Variants in WDR11 observed in about 807,000 individuals in gnomAD.
WDR11 encodes the protein WD repeat domain 11, also known as WD repeat-containing protein 11.
In WDR11, 83 loss-of-function variants were observed where a neutral mutation model predicts 151.2. That is an observed-to-expected ratio of 0.55 (90% CI 0.46 to 0.66). The LOEUF (loss-of-function observed/expected upper bound fraction) is 0.66. WDR11 is among the 30% of genes least tolerant of loss of function. The pLI is 0.00. For missense variants in WDR11, 1,301 were observed against 1,480.9 expected (o/e 0.88, Z 1.99); for synonymous variants, 484 against 533.1 (o/e 0.91, Z 1.27).
rs367918882 is a variant in WDR11, at chr10:120,882,544, G to GTTTTTT, written c.1740-1230_1740-1225dup. 3.7e-3 allele frequency among the ~76,000 whole-genome samples: 527 copies of GTTTTTT among 142,416 alleles called. 2 individuals are homozygous for GTTTTTT. Among genetic ancestry groups the GTTTTTT allele is most frequent in the African/African-American group, 0.013 (491 of 38,696 alleles). The allele number at this position is 142,416 out of a possible 152,430, so 93.4% of individuals were successfully genotyped here. A position where few individuals can be genotyped will look rare whatever the true frequency, so the allele number is the denominator to read the frequency against. On this transcript the variant is annotated intron_variant, in intron 13 of 28. Transcript: ENST00000263461. The stretch of plus-strand genomic sequence containing the variant: ...AGTTTTTAAATACAAATTCAGTTTT[G>GTTTTTT]TTTTTTTTTTTCATAAATATAGGAC...
At chr10:120,876,549 G>A (rs1389433192) in intron 11 of WDR11, among the ~76,000 whole-genome samples, 1 of 152,158 alleles carries the variant, frequency 6.6e-6, no homozygotes, top group African/African-American at 2.4e-5. Flanking sequence ...CTGTTGCAGT[G>A]TCTGTAGCTT....
chr10:120,900,342 C>T (rs1047928021), intron 20 of WDR11, among the ~76,000 whole-genome samples: 1 of 151,810 alleles, frequency 6.6e-6, no homozygotes, highest in African/African-American at 2.4e-5. Context: ...GCTGTGAGGG[C>T]GTGTATTGCT....
Position 120,906,038 on chromosome 10 carries a change from C to A in WDR11, c.3437+17C>A, listed in dbSNP as rs748081920. The A allele has an allele frequency of 1.9e-6, 3 of 1,613,046 alleles. No individual in the cohort carries two copies. In the East Asian group the frequency reaches 6.7e-5, roughly 36 times the overall value. On this transcript the variant is annotated intron_variant, in intron 27 of 28. Coordinates refer to ENST00000263461, the MANE Select transcript of WDR11 (RefSeq NM_018117.12). ...GCTTCACAGGTAAACCGAGAGTTCACATGGGCTGCTCAGGCCTGCCCGTGA... is the reference window on the plus strand; with the variant it reads ...GCTTCACAGGTAAACCGAGAGTTCAAATGGGCTGCTCAGGCCTGCCCGTGA...
intron 2 of WDR11, among the ~76,000 whole-genome samples, chr10:120,853,800 G>C (rs1048249770): frequency 6.6e-6 from 1 of 152,172 alleles, no homozygotes; most frequent in Non-Finnish European, 1.5e-5. Context: ...ATAGTGATCA[G>C]TATAAAGGAG....
intron 9 of WDR11, among the ~76,000 whole-genome samples, chr10:120,870,415 A>G (rs974447674): frequency 2.0e-5 from 3 of 152,150 alleles, no homozygotes; most frequent in Admixed American, 6.5e-5. Flanking sequence ...AAATTTGTAT[A>G]CCTTTTTAAT....
At chr10:120,853,223 A>G (rs1845840361) in intron 2 of WDR11, among the ~76,000 whole-genome samples, 1 of 152,084 alleles carries the variant, frequency 6.6e-6, no homozygotes, top group Admixed American at 6.5e-5. Flanking sequence ...AGCCAGAGAG[A>G]TTCAGCTGTC....
At chr10:120,893,349 A>G (rs1219094883) in intron 19 of WDR11, among the ~76,000 whole-genome samples, 1 of 152,088 alleles carries the variant, frequency 6.6e-6, no homozygotes, top group Non-Finnish European at 1.5e-5. Context: ...TGAACTCATC[A>G]TTCTTTATGG....
intron 6 of WDR11, 28 bp from the exon 7 acceptor site, chr10:120,865,602 A>T (rs758204738): frequency 1.4e-6 from 2 of 1,454,252 alleles, no homozygotes; most frequent in African/African-American, 1.4e-5. Context: ...ATTGTGTTTT[A>T]AAAAATAAAT....
Position 120,909,359 on chromosome 10 carries a change from T to TTTTA in WDR11, c.*648_*651dup, listed in dbSNP as rs1178104025. ...CTTTGATATTTTGAATTTTAACTCC[T>TTTTA]TTTATGATACATCACAGTAACCTCA... On this transcript the variant is annotated 3_prime_UTR_variant, in exon 29 of 29. Coordinates refer to ENST00000263461, the MANE Select transcript of WDR11 (RefSeq NM_018117.12). 1 of 153,482 alleles carries TTTTA rather than the reference T, an allele frequency of 6.5e-6. No individual in the cohort carries two copies. Among genetic ancestry groups the TTTTA allele is most frequent in the Admixed American group, 6.5e-5 (1 of 15,400 alleles). 9.5% of individuals were successfully genotyped at this position (153,482 alleles called of 1,614,324 possible). A position where few individuals can be genotyped will look rare whatever the true frequency, so the allele number is the denominator to read the frequency against.
In WDR11 at chr10:120,889,190, A is replaced by AG. The variant is rs1847331215; in HGVS notation, c.2228+7dup. 6.4e-7 allele frequency: 1 copy of AG among 1,563,088 alleles called. No individual in the cohort carries two copies. The highest frequency in any genetic ancestry group is 1.1e-5 in the South Asian group (1 of 90,050). ...TTGAAAGGCAGAGTATCCAGGTATA[A>AG]GCCAAGAATGAAATCTTGTTATTTC... On this transcript the variant is annotated splice_region_variant and intron_variant, in intron 17 of 28. Coordinates refer to ENST00000263461, the MANE Select transcript of WDR11 (RefSeq NM_018117.12).
chr10:120,883,980 C>T, intron 14 of WDR11, 92 bp downstream of exon 14: 1 of 1,056,148 alleles, frequency 9.5e-7, no homozygotes, highest in South Asian at 1.4e-5. Flanking sequence ...TCATTACTGC[C>T]AATGTCATTT....
At position 120,889,077 on chromosome 10, in the gene WDR11, G is replaced by A. The variant is rs971548230; in HGVS notation, c.2122-1G>A. The A allele has an allele frequency of 2.5e-6, 4 of 1,603,808 alleles. No homozygotes were observed. The highest frequency in any genetic ancestry group is 3.4e-6 in the Non-Finnish European group (4 of 1,170,822). On this transcript the variant is annotated splice_acceptor_variant, in intron 16 of 28. Transcript: ENST00000263461. LOFTEE classifies it high-confidence loss of function. ...ATTTGTTTGTTGCTGTTGTTTTCTA[G>A]GGAAGTATGGGTAGTATTACCTGCA...
intron 19 of WDR11, 93 bp from the exon 20 acceptor site, chr10:120,899,936 C>A: frequency 9.7e-7 from 1 of 1,030,194 alleles, no homozygotes; most frequent in Non-Finnish European, 1.5e-6. Context: ...ACCTGTTGCT[C>A]TCTGCTGACT....
intron 9 of WDR11, among the ~76,000 whole-genome samples, chr10:120,868,179 C>T (rs1006747326): frequency 5.3e-5 from 8 of 152,090 alleles, no homozygotes; most frequent in South Asian, 4.1e-4. Context: ...ATTGGCCAGG[C>T]GCAGTGACTC....
At chr10:120,859,216 T>C (rs1196138920) in intron 3 of WDR11, among the ~76,000 whole-genome samples, 1 of 152,116 alleles carries the variant, frequency 6.6e-6, no homozygotes, top group Non-Finnish European at 1.5e-5. Flanking sequence ...ATAGATTGCT[T>C]GTTTGTTCGT....
At chr10:120,885,686 C>A in intron 14 of WDR11, 128 bp from the exon 15 acceptor site, 1 of 1,239,946 alleles carries the variant, frequency 8.1e-7, no homozygotes, top group Non-Finnish European at 1.2e-6. Context: ...ATCTAAAGAA[C>A]AAATGTGGAT....
At chr10:120,855,468 G>T (rs1163736198) in intron 2 of WDR11, among the ~76,000 whole-genome samples, 17 of 151,828 alleles carry the variant, frequency 1.1e-4, no homozygotes, top group Admixed American at 1.1e-3. Flanking sequence ...TACTTTCTTG[G>T]TGGTGTCTTT....
In WDR11 at chr10:120,851,524, C is replaced by T. The variant is rs960574954; in HGVS notation, c.86+18C>T. 2 of 1,605,272 alleles carry T rather than the reference C, an allele frequency of 1.2e-6. No homozygotes were observed. Among genetic ancestry groups the T allele is most frequent in the Non-Finnish European group, 8.5e-7 (1 of 1,177,092 alleles). ...GTGGACTGGTGAGGACGCCGAGCTTCCAGGTCGCCAGGATCGGCCAGGAAT... is the reference window on the plus strand; with the variant it reads ...GTGGACTGGTGAGGACGCCGAGCTTTCAGGTCGCCAGGATCGGCCAGGAAT... On this transcript the variant is annotated intron_variant, in intron 1 of 28. Coordinates refer to ENST00000263461, the MANE Select transcript of WDR11 (RefSeq NM_018117.12).
intron 2 of WDR11, among the ~76,000 whole-genome samples, chr10:120,856,960 A>G (rs1252577741): frequency 1.3e-5 from 2 of 152,118 alleles, no homozygotes; most frequent in African/African-American, 4.8e-5. Flanking sequence ...ATTTTCATCA[A>G]CTGATCAATA....
Sources: allele counts gnomAD v4.1 joint callset (sites outside exome capture counted in the v4.1 genomes callset), GRCh38; gene constraint gnomAD v4.1.1; transcripts MANE v1.5; gene names NCBI Gene and HGNC (gene_info 2026-07-23, HGNC 2026-07-21).